The following LAMA3 variants were observed in gnomAD, a reference collection of about 807,000 sequenced individuals.
LAMA3 encodes laminin subunit alpha-3.
A neutral mutation model predicts 402.0 loss-of-function variants in LAMA3; 281 were observed. The ratio of observed to expected loss-of-function variants is 0.70; its 90% CI spans 0.63 to 0.77. The LOEUF (loss-of-function observed/expected upper bound fraction) is 0.77. Ranked by LOEUF, LAMA3 falls within the 30% of genes least tolerant of loss-of-function variation. The pLI is 0.00. For synonymous variants in LAMA3, 1,431 were observed against 1,558.4 expected (o/e 0.92, Z 1.93); for missense variants, 3,840 against 4,215.5 (o/e 0.91, Z 2.47).
Position 23,907,789 on chromosome 18 carries a change from G to C in LAMA3, c.6869G>C (p.Ser2290Thr). 1 of 1,614,192 alleles carries C rather than the reference G, an allele frequency of 6.2e-7. No individual in the cohort carries two copies. Among genetic ancestry groups the C allele is most frequent in the Non-Finnish European group, 8.5e-7 (1 of 1,180,044 alleles). ...GATGCTATGATCAGTAGTGCAAAGA[G>C]CATGGTCAGAAAGGCCAACGACATC... The part of the protein sequence containing the change: ...DIDAMISSAK[S>T]MVRKANDITD... The change falls in exon 54 of 75, where the codon AGC (serine) becomes ACC (threonine). Residue 2290 changes from serine to threonine, a missense_variant. Ser to Thr is a moderately conservative substitution (Grantham distance 58). This residue lies in a region of LAMA3 where 891 missense variants were observed against 857.5 expected (regional missense o/e 1.04). Transcript: ENST00000313654.
rs199597975 is a variant in LAMA3 at position 23,861,791 on chromosome 18, C to T, written c.4568C>T (p.Ser1523Phe). Residue 1523 changes from serine to phenylalanine, a missense_variant, in exon 35 of 75, where the codon TCC (serine) becomes TTC (phenylalanine). Physicochemically the swap from Ser to Phe is radical, Grantham distance 155 (BLOSUM62 -2). Transcript: ENST00000313654. Reference protein sequence around the residue: ...IHSASWVAPTSYLGDKVSSYG... With the variant: ...IHSASWVAPTFYLGDKVSSYG... The stretch of plus-strand genomic sequence containing the variant: ...AGCGCGTCCTGGGTCGCACCCACCT[C>T]CTACCTGGGGGACAAGGTAATGATG... The T allele has an allele frequency of 3.1e-4, 494 of 1,613,022 alleles. No homozygotes were observed. Among genetic ancestry groups the T allele is most frequent in the Non-Finnish European group, 3.9e-4 (463 of 1,179,506 alleles).
intron 41 of LAMA3, among the ~76,000 whole-genome samples, chr18:23,887,255 C>A (rs1599007230): frequency 6.6e-6 from 1 of 152,170 alleles, no homozygotes; most frequent in East Asian, 1.9e-4. Flanking sequence ...GAGAACTGGG[C>A]TAAGTTGAGC....
At chr18:23,755,270 G>C (rs1443128087) in intron 6 of LAMA3, among the ~76,000 whole-genome samples, 1 of 152,190 alleles carries the variant, frequency 6.6e-6, no homozygotes, top group Non-Finnish European at 1.5e-5. Context: ...GCTTAGAAAG[G>C]CTACTGAACC....
chr18:23,755,909 C>A (rs2143638609), intron 6 of LAMA3, among the ~76,000 whole-genome samples: 1 of 152,280 alleles, frequency 6.6e-6, no homozygotes, highest in East Asian at 1.9e-4. Context: ...TGGGCTGCAA[C>A]AGAGGAAAAG....
intron 67 of LAMA3, among the ~76,000 whole-genome samples, chr18:23,935,384 C>T (rs2082281118): frequency 6.6e-6 from 1 of 152,230 alleles, no homozygotes; most frequent in African/African-American, 2.4e-5. Flanking sequence ...TCTGCGTGGG[C>T]TTCAGCAGAT....
chr18:23,848,596 C>G (rs1008235129), intron 32 of LAMA3, among the ~76,000 whole-genome samples: 1 of 152,160 alleles, frequency 6.6e-6, no homozygotes. Context: ...GCACGCACCC[C>G]AGGCACATGG....
rs2063388315 is a variant in LAMA3 at position 23,826,672 on chromosome 18, A to G, written c.2572-30A>G. The G allele has an allele frequency of 4.2e-6, 6 of 1,414,510 alleles. No homozygotes were observed. The East Asian group carries it at 1.2e-4, about 29-fold the overall frequency. 87.6% of individuals were successfully genotyped at this position (1,414,510 alleles called of 1,614,324 possible). ...CAAAGTAGGGCTACCATCAAAATGA[A>G]TGATTCTCCTTTTGGTCTTTATTTT... On this transcript the variant is annotated intron_variant, in intron 21 of 74. Coordinates refer to ENST00000313654, the MANE Select transcript of LAMA3 (RefSeq NM_198129.4).
In LAMA3 at chr18:23,901,190, G is replaced by A; in HGVS notation, c.6068G>A (p.Ser2023Asn). 1 of 1,614,230 alleles carries A rather than the reference G, an allele frequency of 6.2e-7. No homozygotes were observed. Among genetic ancestry groups the A allele is most frequent in the Non-Finnish European group, 8.5e-7 (1 of 1,180,040 alleles). ...HQGENNGLAN[S>N]IRDSLNEYEA... ...GGGGAGAACAATGGGCTTGCTAACAGTATCCGGGATTCTTTAAATGAATAC... is the reference window on the plus strand; with the variant it reads ...GGGGAGAACAATGGGCTTGCTAACAATATCCGGGATTCTTTAAATGAATAC... The change falls in exon 48 of 75, where the codon AGT (serine) becomes AAT (asparagine). Residue 2023 changes from serine (S) to asparagine (N), a missense_variant. By Grantham distance (46) the Ser-to-Asn change is conservative. Transcript: ENST00000313654.
chr18:23,909,079 G>GT, intron 54 of LAMA3, 74 bp from the exon 55 acceptor site: 1 of 1,416,570 alleles, frequency 7.1e-7, no homozygotes, highest in Non-Finnish European at 1.0e-6. Context: ...GACAAATACT[G>GT]TCAGTAAGAA....
chr18:23,816,515 G>C, intron 18 of LAMA3, 28 bp downstream of exon 18: 1 of 1,565,386 alleles, frequency 6.4e-7, no homozygotes, highest in South Asian at 1.1e-5. Context: ...TTCTTCCCAT[G>C]TTCAGGGTGT....
At chr18:23,819,504 TTAAA>T (rs1419158583) in intron 18 of LAMA3, among the ~76,000 whole-genome samples, 1 of 152,200 alleles carries the variant, frequency 6.6e-6, no homozygotes, top group African/African-American at 2.4e-5. Context: ...GAATGAGTGA[TTAAA>T]TAAATAAACA....
rs2063531811 is a variant in LAMA3, at chr18:23,833,865, G to A, written c.2861G>A (p.Gly954Asp). 1.9e-6 allele frequency: 3 copies of A among 1,613,762 alleles called. No individual in the cohort carries two copies. The highest frequency in any genetic ancestry group is 1.1e-5 in the South Asian group (1 of 91,074). Residue 954 changes from glycine to aspartate, a missense_variant, in exon 24 of 75, where the codon GGC becomes GAC. Gly to Asp is a moderately conservative substitution (Grantham distance 94). Around this residue, in one of 3 missense-constraint regions of LAMA3, gnomAD observed 2,109 missense variants for 2,376.0 expected, o/e 0.89. Coordinates refer to ENST00000313654, the MANE Select transcript of LAMA3 (RefSeq NM_198129.4). ...CTGCGGCTGCGCATCCCACAGGTTG[G>A]CCACTACGTGGTTGTGGTCGAGTAT... ...LHLRLRIPQV[G>D]HYVVVVEYST...
rs1470433646 is a variant in LAMA3, at chr18:23,822,360, A to G, written c.2413A>G (p.Ile805Val). 1.9e-6 allele frequency: 3 copies of G among 1,613,748 alleles called. No individual in the cohort carries two copies. The Admixed American group carries it at 5.0e-5, about 27-fold the overall frequency. Reference sequence around the variant, plus strand: ...TGAAGCAGTATCTGGCCATATAACTATTTATCCATCCTGGGGTAAGGCACG... The same window carrying G: ...TGAAGCAGTATCTGGCCATATAACTGTTTATCCATCCTGGGGTAAGGCACG... ...GTEAVSGHITIYPSWGAAQSK... is the reference protein window; with the variant it reads ...GTEAVSGHITVYPSWGAAQSK... Residue 805 changes from isoleucine (I) to valine (V), a missense_variant, in exon 20 of 75, where the codon ATT becomes GTT. Physicochemically the swap from Ile to Val is conservative, Grantham distance 29. This residue lies in a region of LAMA3 where 2,109 missense variants were observed against 2,376.0 expected (regional missense o/e 0.89). Coordinates refer to ENST00000313654, the MANE Select transcript of LAMA3 (RefSeq NM_198129.4).
Position 23,764,160 on chromosome 18 carries a change from G to A in LAMA3, c.1182+637G>A, listed in dbSNP as rs542087397. Among the ~76,000 whole-genome samples, 6 of 152,232 alleles carry A rather than the reference G, an allele frequency of 3.9e-5. No individual in the cohort carries two copies. In the East Asian group the frequency reaches 7.7e-4, roughly 20 times the overall value. The stretch of plus-strand genomic sequence containing the variant: ...TTGTTAATGTTACCACTGAAGAGGC[G>A]TTCTTCACATGAGATGCCCATTAAT... On this transcript the variant is annotated intron_variant, in intron 8 of 74. Transcript: ENST00000313654.
intron 41 of LAMA3, 70 bp downstream of exon 41, chr18:23,884,923 T>A: frequency 1.7e-6 from 2 of 1,211,068 alleles, no homozygotes; most frequent in Non-Finnish European, 2.4e-6. Context: ...GGCTGCCAGG[T>A]GCTGGCACAG....
At chr18:23,931,019 T>C in intron 64 of LAMA3, 43 bp from the exon 65 acceptor site, 1 of 1,544,402 alleles carries the variant, frequency 6.5e-7, no homozygotes, top group African/African-American at 1.4e-5. Context: ...GCATAATCCT[T>C]ATATGCAAAT....
chr18:23,777,364 GA>G (rs1441892000), intron 10 of LAMA3, among the ~76,000 whole-genome samples, 192 bp from the exon 11 acceptor site: 1 of 152,140 alleles, frequency 6.6e-6, no homozygotes, highest in Non-Finnish European at 1.5e-5. Context: ...ATACAAATGG[GA>G]ATGTCTGGCC....
chr18:23,745,929 T>C (rs1568137565), intron 2 of LAMA3, among the ~76,000 whole-genome samples: 2 of 152,320 alleles, frequency 1.3e-5, no homozygotes, highest in Non-Finnish European at 2.9e-5. Flanking sequence ...TTTGATGTGG[T>C]CTGAGAGAGA....
chr18:23,884,960 C>A lies in LAMA3; in HGVS notation c.5303+107C>A. The A allele has an allele frequency of 5.4e-6, 4 of 736,728 alleles. No individual in the cohort carries two copies. In the South Asian group the frequency reaches 5.6e-5, roughly 10 times the overall value. The allele number at this position is 736,728 out of a possible 1,614,324, so 45.6% of individuals were successfully genotyped here. A position where few individuals can be genotyped will look rare whatever the true frequency, so the allele number is the denominator to read the frequency against. On this transcript the variant is annotated intron_variant, in intron 41 of 74. Transcript: ENST00000313654. The stretch of plus-strand genomic sequence containing the variant: ...GCTAGGGGTGGGGCTGGGAGTTTGA[C>A]TGAGGCCTGGAAAAAGGTCTCTTGG...
Sources: gnomAD v4.1 joint callset for allele counts (sites outside exome capture counted in the v4.1 genomes callset) on GRCh38, gnomAD v4.1.1 for gene constraint, gnomAD v4.1.1 regional missense constraint, MANE v1.5 for transcripts, NCBI Gene and HGNC (gene_info 2026-07-23, HGNC 2026-07-21) for gene names.